The following IPCEF1 variants were observed in gnomAD, a reference collection of about 807,000 sequenced individuals.
The protein encoded by IPCEF1 is interaction protein for cytohesin exchange factors 1.
A neutral mutation model predicts 50.9 loss-of-function variants in IPCEF1; 31 were observed. The ratio of observed to expected loss-of-function variants is 0.61; its 90% CI spans 0.46 to 0.82. The LOEUF (loss-of-function observed/expected upper bound fraction) is 0.82, where lower values mean the gene tolerates loss of function less well. Among genes scored for constraint, IPCEF1 ranks in the 40% least tolerant of loss-of-function variants. The probability of loss-of-function intolerance (pLI) is 0.00; values close to 1 mark genes in which losing one functional copy is unlikely to be tolerated. For synonymous variants in IPCEF1, 181 were observed against 192.0 expected (o/e 0.94, Z 0.47); for missense variants, 458 against 514.0 (o/e 0.89, Z 1.05).
intron 9 of IPCEF1, among the ~76,000 whole-genome samples, chr6:154,202,403 T>C (rs1195124284): frequency 1.3e-5 from 2 of 152,152 alleles, no homozygotes; most frequent in Admixed American, 1.3e-4. Context: ...ATTGTCCAAA[T>C]AAATGGCAGG....
Position 154,299,832 on chromosome 6 carries a change from C to G in IPCEF1, c.-61-10076G>C, listed in dbSNP as rs190767408. On this transcript the variant is annotated intron_variant, in intron 1 of 11. Coordinates refer to ENST00000367220, the MANE Select transcript of IPCEF1 (RefSeq NM_001130700.2). ...ATAAAAGGACTGATAAGCAATAAAG[C>G]AAATACCATAAAATGTTTAAAAAAA... Among the ~76,000 whole-genome samples, 55 of 137,548 alleles carry G rather than the reference C, an allele frequency of 4.0e-4. 6 individuals carry two copies. The highest frequency in any genetic ancestry group is 1.3e-3 in the African/African-American group (52 of 38,584). 90.2% of individuals were successfully genotyped at this position (137,548 alleles called of 152,430 possible). A position where few individuals can be genotyped will look rare whatever the true frequency, so the allele number is the denominator to read the frequency against.
intron 1 of IPCEF1, among the ~76,000 whole-genome samples, chr6:154,347,591 T>C (rs1018585211): frequency 5.9e-5 from 9 of 152,226 alleles, no homozygotes; most frequent in Non-Finnish European, 1.3e-4. Flanking sequence ...GCTGCAATTA[T>C]CAGGTTGGTG....
At position 154,159,657 on chromosome 6, in the gene IPCEF1, G is replaced by A. The variant is rs1049989770; in HGVS notation, c.*171C>T. On this transcript the variant is annotated 3_prime_UTR_variant, in exon 12 of 12. Coordinates refer to ENST00000367220, the MANE Select transcript of IPCEF1 (RefSeq NM_001130700.2). ...ATGGATGCGTTACGACTGAAATGAG[G>A]AGCCCTGGTGTATTCGGTGATTATC... The A allele has an allele frequency of 5.2e-5, 32 of 615,556 alleles. No individual in the cohort carries two copies. Among genetic ancestry groups the A allele is most frequent in the African/African-American group, 4.7e-4 (25 of 53,630 alleles). 38.1% of individuals were successfully genotyped at this position (615,556 alleles called of 1,614,324 possible).
chr6:154,314,015 TG>T (rs1385036959), intron 1 of IPCEF1, among the ~76,000 whole-genome samples: 4 of 152,168 alleles, frequency 2.6e-5, no homozygotes, highest in African/African-American at 9.7e-5. Context: ...CCCAAAATGC[TG>T]GGATTACAGG....
At chr6:154,242,175 C>A (rs749171956) in intron 5 of IPCEF1, among the ~76,000 whole-genome samples, 1 of 152,150 alleles carries the variant, frequency 6.6e-6, no homozygotes, top group Non-Finnish European at 1.5e-5. Context: ...CCCCAGAATG[C>A]GCATCTCCCA....
chr6:154,224,976 G>A (rs909793685), intron 5 of IPCEF1, among the ~76,000 whole-genome samples: 3 of 152,048 alleles, frequency 2.0e-5, no homozygotes, highest in African/African-American at 7.2e-5. Context: ...TTCTCAATCC[G>A]CCTTACAAAA....
intron 10 of IPCEF1, among the ~76,000 whole-genome samples, chr6:154,176,837 T>C (rs1399419958): frequency 6.6e-6 from 1 of 151,216 alleles, no homozygotes. Context: ...ACCAAGACAA[T>C]CCTGAGCAAA....
chr6:154,335,492 T>C (rs1783769582), intron 1 of IPCEF1, among the ~76,000 whole-genome samples: 1 of 152,102 alleles, frequency 6.6e-6, no homozygotes, highest in African/African-American at 2.4e-5. Context: ...ACAGTATCAA[T>C]ATAAGAAAAT....
At chr6:154,247,379 G>A (rs368067416) in intron 4 of IPCEF1, 70 bp downstream of exon 4, 1 of 1,227,112 alleles carries the variant, frequency 8.1e-7, no homozygotes, top group East Asian at 2.4e-5. Context: ...TCCCAAGGAA[G>A]GCACCCCGGA....
intron 9 of IPCEF1, among the ~76,000 whole-genome samples, chr6:154,209,080 A>C (rs902285106): frequency 6.6e-6 from 1 of 152,232 alleles, no homozygotes; most frequent in Non-Finnish European, 1.5e-5. Context: ...TTAGAAGCAG[A>C]AGTCCAAACT....
intron 3 of IPCEF1, among the ~76,000 whole-genome samples, chr6:154,262,062 G>T (rs958049945): frequency 1.3e-5 from 2 of 152,202 alleles, no homozygotes; most frequent in Non-Finnish European, 2.9e-5. Flanking sequence ...GAAAGATAAA[G>T]TAGGGTAACC....
At chr6:154,317,423 C>T (rs571910110) in intron 1 of IPCEF1, among the ~76,000 whole-genome samples, 92 of 151,810 alleles carry the variant, frequency 6.1e-4, no homozygotes, top group Non-Finnish European at 1.0e-3. Flanking sequence ...GTGGCAGGCT[C>T]CTGTAATCCC....
chr6:154,228,620 A>C (rs1383734925), intron 5 of IPCEF1, among the ~76,000 whole-genome samples: 2 of 152,214 alleles, frequency 1.3e-5, no homozygotes, highest in Non-Finnish European at 2.9e-5. Flanking sequence ...CATTAAATAC[A>C]TATTTTTATG....
intron 1 of IPCEF1, among the ~76,000 whole-genome samples, chr6:154,302,137 A>C (rs532792131): frequency 6.6e-6 from 1 of 152,346 alleles, no homozygotes; most frequent in African/African-American, 2.4e-5. Context: ...GGATCTATAT[A>C]CCAATGCAAA....
chr6:154,247,567 G>C, intron 3 of IPCEF1, 79 bp from the exon 4 acceptor site: 8 of 1,217,186 alleles, frequency 6.6e-6, no homozygotes, highest in South Asian at 1.2e-5. Context: ...GAGGGAGGAG[G>C]TGGCAGTGTT....
intron 9 of IPCEF1, among the ~76,000 whole-genome samples, chr6:154,207,550 C>A (rs1473869312): frequency 3.7e-5 from 4 of 108,218 alleles, no homozygotes; most frequent in Non-Finnish European, 8.5e-5. Flanking sequence ...TGTGTTTAAA[C>A]TTTTTGGGGT....
intron 5 of IPCEF1, among the ~76,000 whole-genome samples, chr6:154,235,995 G>T (rs1156907998): frequency 6.6e-6 from 1 of 152,166 alleles, no homozygotes; most frequent in Non-Finnish European, 1.5e-5. Context: ...AAATAGCATG[G>T]TAGCGCCTCA....
chr6:154,236,592 GTTAT>G (rs1162316539), intron 5 of IPCEF1, among the ~76,000 whole-genome samples: 2 of 152,162 alleles, frequency 1.3e-5, no homozygotes, highest in African/African-American at 4.8e-5. Context: ...CTCTGAAATC[GTTAT>G]TTGTCAGTGA....
intron 3 of IPCEF1, among the ~76,000 whole-genome samples, chr6:154,256,492 A>G (rs1781464201): frequency 6.6e-6 from 1 of 151,388 alleles, no homozygotes; most frequent in Non-Finnish European, 1.5e-5. Context: ...TCTCTGCCTT[A>G]CTATCTGTCT....
Sources: allele counts gnomAD v4.1 joint callset (sites outside exome capture counted in the v4.1 genomes callset), GRCh38; gene constraint gnomAD v4.1.1; transcripts MANE v1.5; gene names NCBI Gene and HGNC (gene_info 2026-07-23, HGNC 2026-07-21).